NAALADL2: variants seen among roughly 807,000 people sequenced by gnomAD.
The protein encoded by NAALADL2 is N-acetylated alpha-linked acidic dipeptidase like 2.
Under a neutral mutation model 87.2 loss-of-function variants are expected in NAALADL2, and 76 were observed. The ratio of observed to expected loss-of-function variants is 0.87; its 90% CI spans 0.72 to 1.05. The LOEUF (loss-of-function observed/expected upper bound fraction) is 1.05, where lower values mean the gene tolerates loss of function less well. NAALADL2 is among the 50% of genes least tolerant of loss of function. NAALADL2 has a pLI of 0.00. For synonymous variants in NAALADL2, 354 were observed against 331.0 expected (o/e 1.07, Z -0.75); for missense variants, 1,089 against 945.8 (o/e 1.15, Z -1.99).
At position 175,697,776 on chromosome 3, in the gene NAALADL2, CAT is replaced by C. The variant is rs567343818; in HGVS notation, c.1897-39523_1897-39522del. ...ATGTAAATGTATGTATACATATATA[CAT>C]ATATATGTGTGTGTATATATGTATA... On this transcript the variant is annotated intron_variant, in intron 11 of 13. Coordinates refer to ENST00000454872, the MANE Select transcript of NAALADL2 (RefSeq NM_207015.3). 8.5e-3 allele frequency among the ~76,000 whole-genome samples: 1,206 copies of C among 141,794 alleles called. 13 individuals carry two copies. The highest frequency in any genetic ancestry group is 0.011 in the African/African-American group (418 of 38,374). 93.0% of individuals were successfully genotyped at this position (141,794 alleles called of 152,430 possible).
chr3:174,780,267 T>C (rs1403423415), intron 3 of NAALADL2, among the ~76,000 whole-genome samples: 2 of 152,132 alleles, frequency 1.3e-5, no homozygotes, highest in Admixed American at 1.3e-4. Flanking sequence ...GTTCACTCAC[T>C]ATTTGGCTCT....
chr3:174,444,893 G>C (rs1439546845), intron 1 of NAALADL2, among the ~76,000 whole-genome samples: 1 of 152,022 alleles, frequency 6.6e-6, no homozygotes. Context: ...GAAAAAGACT[G>C]GATTGGCAAC....
intron 1 of NAALADL2, among the ~76,000 whole-genome samples, chr3:174,870,846 TAGCTGATGTA>T: frequency 6.6e-6 from 1 of 152,324 alleles, no homozygotes; most frequent in Admixed American, 6.5e-5. Context: ...GTCCCTTTTA[TAGCTGATGTA>T]TCTGCTTTTC....
At chr3:175,288,295 T>A (rs918248686) in intron 4 of NAALADL2, among the ~76,000 whole-genome samples, 1 of 152,134 alleles carries the variant, frequency 6.6e-6, no homozygotes, top group Non-Finnish European at 1.5e-5. Context: ...AGGCCTTCAA[T>A]TGATTGGAAA....
chr3:174,637,532 A>G (rs899361710), intron 2 of NAALADL2, among the ~76,000 whole-genome samples: 1 of 152,084 alleles, frequency 6.6e-6, no homozygotes, highest in Non-Finnish European at 1.5e-5. Flanking sequence ...CAATAAAAGG[A>G]TTTTTAGCCT....
chr3:174,851,754 A>G (rs777191162), intron 3 of NAALADL2, among the ~76,000 whole-genome samples: 1 of 152,118 alleles, frequency 6.6e-6, no homozygotes, highest in African/African-American at 2.4e-5. Flanking sequence ...TTATCCTGAT[A>G]GCAAAACCAG....
intron 2 of NAALADL2, among the ~76,000 whole-genome samples, chr3:174,642,172 G>A (rs914662103): frequency 6.6e-5 from 10 of 151,956 alleles, no homozygotes; most frequent in South Asian, 4.2e-4. Context: ...TGAAGGAAAC[G>A]CATTTTCAAT....
intron 3 of NAALADL2, among the ~76,000 whole-genome samples, chr3:174,767,672 A>G (rs1198622413): frequency 6.6e-6 from 1 of 152,228 alleles, no homozygotes; most frequent in Non-Finnish European, 1.5e-5. Flanking sequence ...TGATATTGGG[A>G]CATGTTCATG....
At chr3:175,471,474 C>CA (rs368173654) in intron 8 of NAALADL2, among the ~76,000 whole-genome samples, 165 bp from the exon 9 acceptor site, 1,911 of 59,656 alleles carry the variant, frequency 0.032, 37 homozygotes, top group African/African-American at 0.068. Flanking sequence ...GAGTCTGTCT[C>CA]AAAAAAAAAA....
At chr3:174,622,850 C>T (rs1374907560) in intron 2 of NAALADL2, among the ~76,000 whole-genome samples, 1 of 151,976 alleles carries the variant, frequency 6.6e-6, no homozygotes, top group African/African-American at 2.4e-5. Context: ...ACCATCCTGG[C>T]TAACTTGGTG....
intron 3 of NAALADL2, among the ~76,000 whole-genome samples, chr3:174,814,401 C>A (rs1720560220): frequency 6.6e-6 from 1 of 152,140 alleles, no homozygotes; most frequent in African/African-American, 2.4e-5. Flanking sequence ...GCCACTGTGC[C>A]TGGCCTGTTT....
At chr3:175,151,836 A>G (rs1173923494) in intron 2 of NAALADL2, among the ~76,000 whole-genome samples, 2 of 152,210 alleles carry the variant, frequency 1.3e-5, no homozygotes, top group African/African-American at 4.8e-5. Flanking sequence ...GCAACAACAA[A>G]AAATTGTAAA....
intron 1 of NAALADL2, among the ~76,000 whole-genome samples, chr3:174,935,746 G>A (rs1466082852): frequency 6.6e-6 from 1 of 152,062 alleles, no homozygotes; most frequent in African/African-American, 2.4e-5. Context: ...TTAGCTAATA[G>A]TAAATAATAT....
intron 13 of NAALADL2, among the ~76,000 whole-genome samples, chr3:175,768,225 G>A (rs1450398237): frequency 6.6e-6 from 1 of 152,096 alleles, no homozygotes; most frequent in East Asian, 1.9e-4. Context: ...CGTGTACCAG[G>A]CACTTCATAT....
chr3:174,996,241 T>C (rs1423726667), intron 1 of NAALADL2, among the ~76,000 whole-genome samples: 1 of 152,216 alleles, frequency 6.6e-6, no homozygotes, highest in African/African-American at 2.4e-5. Flanking sequence ...CTCACGCCTG[T>C]AATCCCAGCA....
intron 11 of NAALADL2, among the ~76,000 whole-genome samples, chr3:175,660,754 T>C (rs565961723): frequency 6.6e-6 from 1 of 152,204 alleles, no homozygotes; most frequent in South Asian, 2.1e-4. Context: ...TGAGAACATG[T>C]GATATTTGTC....
chr3:174,705,960 A>G (rs2108897565), intron 2 of NAALADL2, among the ~76,000 whole-genome samples: 1 of 152,248 alleles, frequency 6.6e-6, no homozygotes, highest in Middle Eastern at 3.4e-3. Flanking sequence ...TTTTCATTAC[A>G]ATACTCCTCT....
At chr3:174,882,765 A>ATATG (rs1729518359) in intron 1 of NAALADL2, among the ~76,000 whole-genome samples, 1 of 143,476 alleles carries the variant, frequency 7.0e-6, no homozygotes, top group Non-Finnish European at 1.5e-5. Flanking sequence ...GTATATATAC[A>ATATG]CACGTGTATA....
At chr3:175,620,916 C>G (rs577163511) in intron 10 of NAALADL2, among the ~76,000 whole-genome samples, 1 of 152,250 alleles carries the variant, frequency 6.6e-6, no homozygotes, top group African/African-American at 2.4e-5. Flanking sequence ...AAGTGGGTAG[C>G]CCTCAGCTTC....
Sources: gnomAD v4.1 joint callset for allele counts (sites outside exome capture counted in the v4.1 genomes callset) on GRCh38, gnomAD v4.1.1 for gene constraint, MANE v1.5 for transcripts, NCBI Gene and HGNC (gene_info 2026-07-23, HGNC 2026-07-21) for gene names.